The following CNTNAP5 variants were observed in gnomAD, a reference collection of about 807,000 sequenced individuals.
CNTNAP5 encodes contactin associated protein family member 5, also known as contactin-associated protein-like 5.
A neutral mutation model predicts 150.2 loss-of-function variants in CNTNAP5; 72 were observed. That is an observed-to-expected ratio of 0.48 (90% CI 0.40 to 0.58). The LOEUF is 0.58. CNTNAP5 is among the 20% of genes least tolerant of loss of function. The probability of loss-of-function intolerance (pLI) is 0.00; values close to 1 mark genes in which losing one functional copy is unlikely to be tolerated. For synonymous variants in CNTNAP5, 672 were observed against 619.8 expected (o/e 1.08, Z -1.25); for missense variants, 1,636 against 1,626.2 (o/e 1.01, Z -0.10).
At chr2:124,537,948 C>T (rs1695278444) in intron 10 of CNTNAP5, among the ~76,000 whole-genome samples, 1 of 152,112 alleles carries the variant, frequency 6.6e-6, no homozygotes, top group African/African-American at 2.4e-5. Context: ...CATTTTGGCC[C>T]ACCAGACGGT....
chr2:124,383,949 C>A (rs1298863545), intron 3 of CNTNAP5, among the ~76,000 whole-genome samples: 2 of 152,038 alleles, frequency 1.3e-5, no homozygotes, highest in African/African-American at 2.4e-5. Context: ...CTAAATAATT[C>A]TTTAGTTTTG....
chr2:124,426,609 C>T (rs114382446), intron 4 of CNTNAP5, among the ~76,000 whole-genome samples: 1,895 of 152,324 alleles, frequency 0.012, 16 homozygotes, highest in Non-Finnish European at 0.022. Context: ...TGAGCTTCGG[C>T]TTTCTGGCCC....
intron 1 of CNTNAP5, among the ~76,000 whole-genome samples, chr2:124,064,023 A>C (rs1422945013): frequency 6.6e-6 from 1 of 152,188 alleles, no homozygotes; most frequent in Non-Finnish European, 1.5e-5. Flanking sequence ...TATGTTATGA[A>C]CACACAGACA....
chr2:124,475,846 TTC>T (rs1481640005), intron 7 of CNTNAP5, among the ~76,000 whole-genome samples: 4 of 152,126 alleles, frequency 2.6e-5, no homozygotes, highest in Non-Finnish European at 5.9e-5. Flanking sequence ...TGCTTTCAAT[TTC>T]TGTCTTTTAA....
intron 21 of CNTNAP5, among the ~76,000 whole-genome samples, chr2:124,888,268 G>C (rs189495034): frequency 2.0e-5 from 3 of 152,162 alleles, no homozygotes; most frequent in Admixed American, 2.0e-4. Context: ...TTGCTGCAAA[G>C]GACTTGATTT....
intron 13 of CNTNAP5, among the ~76,000 whole-genome samples, chr2:124,718,893 C>T (rs1042731430): frequency 2.0e-5 from 3 of 150,016 alleles, no homozygotes; most frequent in South Asian, 2.1e-4. Flanking sequence ...TGCAGTGAGC[C>T]GGGATTATGC....
chr2:124,674,742 A>G (rs1573539785), intron 13 of CNTNAP5, among the ~76,000 whole-genome samples: 3 of 151,726 alleles, frequency 2.0e-5, no homozygotes, highest in African/African-American at 7.3e-5. Context: ...TTTTTGACCA[A>G]TTGGTTATTT....
intron 19 of CNTNAP5, among the ~76,000 whole-genome samples, chr2:124,825,486 A>G (rs868230546): frequency 6.6e-6 from 1 of 152,220 alleles, no homozygotes; most frequent in African/African-American, 2.4e-5. Flanking sequence ...GACCTTAACT[A>G]TAGAACACCT....
chr2:124,912,093 C>G (rs761704260), intron 23 of CNTNAP5, among the ~76,000 whole-genome samples: 7 of 152,036 alleles, frequency 4.6e-5, no homozygotes, highest in Non-Finnish European at 1.0e-4. Flanking sequence ...TTTCTCATTG[C>G]CTGTTGGCCT....
intron 1 of CNTNAP5, among the ~76,000 whole-genome samples, chr2:124,093,540 C>T (rs1385629538): frequency 6.6e-6 from 1 of 152,148 alleles, no homozygotes; most frequent in African/African-American, 2.4e-5. Flanking sequence ...CTAGATGTTT[C>T]AAGTTTATGT....
intron 4 of CNTNAP5, among the ~76,000 whole-genome samples, chr2:124,419,140 C>CAAAAGAAAAAAAAAAA (rs1692009483): frequency 3.5e-5 from 1 of 28,908 alleles, no homozygotes; most frequent in Non-Finnish European, 6.6e-5. Context: ...GACTCCTTCT[C>CAAAAGAAAAAAAAAAA]AAAAAAAAAA....
chr2:124,716,927 A>G (rs1282149844), intron 13 of CNTNAP5, among the ~76,000 whole-genome samples: 1 of 152,154 alleles, frequency 6.6e-6, no homozygotes, highest in East Asian at 1.9e-4. Context: ...GTGGTATTCA[A>G]TGCAAGTGAT....
chr2:124,793,503 T>A (rs189205583), intron 18 of CNTNAP5, among the ~76,000 whole-genome samples: 87 of 152,324 alleles, frequency 5.7e-4, no homozygotes, highest in Admixed American at 8.5e-4. Context: ...CTTCATAGTA[T>A]CTTTTGAAAC....
At chr2:124,356,467 C>T (rs1319313945) in intron 3 of CNTNAP5, among the ~76,000 whole-genome samples, 2 of 125,516 alleles carry the variant, frequency 1.6e-5, no homozygotes, top group East Asian at 5.4e-4. Flanking sequence ...CTCCCCCCAC[C>T]CCACCACAGT....
intron 3 of CNTNAP5, among the ~76,000 whole-genome samples, chr2:124,302,709 C>T (rs1325345879): frequency 2.6e-5 from 4 of 152,164 alleles, no homozygotes; most frequent in African/African-American, 9.7e-5. Context: ...AACATGTGAA[C>T]TTTGGGAGAT....
chr2:124,241,290 A>G (rs988384044), intron 2 of CNTNAP5, among the ~76,000 whole-genome samples: 3 of 152,180 alleles, frequency 2.0e-5, no homozygotes, highest in Non-Finnish European at 2.9e-5. Flanking sequence ...CAGTTTTTGT[A>G]TGTGTGTCAG....
chr2:124,197,905 C>T (rs1685628420), intron 1 of CNTNAP5, among the ~76,000 whole-genome samples: 1 of 151,698 alleles, frequency 6.6e-6, no homozygotes, highest in Non-Finnish European at 1.5e-5. Context: ...GGCGTGAACC[C>T]GGGAAGCGGA....
chr2:124,636,937 T>A (rs936169538), intron 12 of CNTNAP5, among the ~76,000 whole-genome samples: 25 of 94,454 alleles, frequency 2.6e-4, no homozygotes, highest in Non-Finnish European at 4.9e-4. Context: ...TCAGACATTT[T>A]AAAAAAATTT....
At chr2:124,436,082 A>G (rs1401657811) in intron 5 of CNTNAP5, among the ~76,000 whole-genome samples, 1 of 152,212 alleles carries the variant, frequency 6.6e-6, no homozygotes, top group Non-Finnish European at 1.5e-5. Flanking sequence ...TCAGTTTTCC[A>G]GAAAGGAGAT....
Sources: allele counts gnomAD v4.1 joint callset (sites outside exome capture counted in the v4.1 genomes callset), GRCh38; gene constraint gnomAD v4.1.1; transcripts MANE v1.5; gene names NCBI Gene and HGNC (gene_info 2026-07-23, HGNC 2026-07-21).